The following CHN2 variants were observed in gnomAD, a reference collection of about 807,000 sequenced individuals.
The protein encoded by CHN2 is beta-chimaerin.
A neutral mutation model predicts 56.3 loss-of-function variants in CHN2; 35 were observed. That is an observed-to-expected ratio of 0.62 (90% CI 0.47 to 0.82). CHN2 has a LOEUF of 0.82. Among genes scored for constraint, CHN2 ranks in the 40% least tolerant of loss-of-function variants. The probability of loss-of-function intolerance (pLI) is 0.00; values close to 1 mark genes in which losing one functional copy is unlikely to be tolerated. For missense variants in CHN2, 491 were observed against 580.5 expected, an observed-to-expected ratio of 0.85 and a Z score of 1.58; for synonymous variants, 210 against 212.8, an observed-to-expected ratio of 0.99 and a Z score of 0.12.
chr7:29,451,582 A>G (rs1784409237), intron 6 of CHN2, among the ~76,000 whole-genome samples: 1 of 151,902 alleles, frequency 6.6e-6, no homozygotes, highest in Admixed American at 6.6e-5. Flanking sequence ...TTAATTAATC[A>G]CAATATATTA....
chr7:29,236,256 A>G (rs1787190331), intron 1 of CHN2, among the ~76,000 whole-genome samples: 1 of 152,262 alleles, frequency 6.6e-6, no homozygotes, highest in South Asian at 2.1e-4. Context: ...TACTGAGGCC[A>G]GTGAGTAATA....
chr7:29,458,388 C>G (rs867393626), intron 6 of CHN2, among the ~76,000 whole-genome samples: 2 of 76,488 alleles, frequency 2.6e-5, no homozygotes, highest in African/African-American at 8.0e-5. Context: ...CACACACACA[C>G]ACACACACAC....
At chr7:29,446,054 A>G (rs1784012716) in intron 6 of CHN2, among the ~76,000 whole-genome samples, 1 of 152,164 alleles carries the variant, frequency 6.6e-6, no homozygotes, top group South Asian at 2.1e-4. Flanking sequence ...CCCTGATGCC[A>G]AGGCTATACC....
chr7:29,167,114 G>A lies in CHN2; in HGVS notation c.274+20154G>A, dbSNP rs547531865. 5.1e-3 allele frequency among the ~76,000 whole-genome samples: 772 copies of A among 152,128 alleles called. 5 individuals are homozygous for A. The highest frequency in any genetic ancestry group is 7.9e-3 in the Non-Finnish European group (535 of 67,968). On this transcript the variant is annotated intron_variant, in intron 2 of 6. Coordinates refer to the CHN2 transcript ENST00000439384. Reference sequence around the variant, plus strand: ...TATCAATACCTTAAATCTGTCCCTGGTAACATCCCTACCTTGATACACTCA... The same window carrying A: ...TATCAATACCTTAAATCTGTCCCTGATAACATCCCTACCTTGATACACTCA...
chr7:29,411,228 C>T (rs571916484), intron 6 of CHN2, among the ~76,000 whole-genome samples: 11 of 152,244 alleles, frequency 7.2e-5, no homozygotes, highest in African/African-American at 1.2e-4. Flanking sequence ...TTCTCTTCTC[C>T]GTACAGAGGA....
chr7:29,261,385 C>A (rs559432260), intron 1 of CHN2, among the ~76,000 whole-genome samples: 2 of 152,150 alleles, frequency 1.3e-5, no homozygotes, highest in Non-Finnish European at 2.9e-5. Flanking sequence ...GAGCAGTTGG[C>A]GGTTATCTTC....
At chr7:29,485,268 T>TGA (rs1275526684) in intron 7 of CHN2, among the ~76,000 whole-genome samples, 1 of 152,090 alleles carries the variant, frequency 6.6e-6, no homozygotes, top group Non-Finnish European at 1.5e-5. Context: ...AGGTAATGTG[T>TGA]GAGACCTAGT....
At chr7:29,465,293 A>C (rs1375849825) in intron 6 of CHN2, among the ~76,000 whole-genome samples, 1 of 152,250 alleles carries the variant, frequency 6.6e-6, no homozygotes, top group Non-Finnish European at 1.5e-5. Flanking sequence ...AATGAAGGAA[A>C]TGTAGTCTTA....
At chr7:29,475,804 C>T (rs370672207) in intron 6 of CHN2, among the ~76,000 whole-genome samples, 3 of 152,282 alleles carry the variant, frequency 2.0e-5, no homozygotes, top group South Asian at 4.1e-4. Flanking sequence ...GTACGATTCC[C>T]TTTATACAAA....
intron 2 of CHN2, among the ~76,000 whole-genome samples, chr7:29,355,213 C>T (rs781251684): frequency 7.9e-5 from 12 of 152,004 alleles, no homozygotes; most frequent in African/African-American, 1.4e-4. Flanking sequence ...TCAGATGATC[C>T]GCCTGCCTCG....
intron 1 of CHN2, chr7:29,200,823 T>C (rs1322366118): frequency 6.6e-6 from 1 of 152,120 alleles, no homozygotes; most frequent in Non-Finnish European, 1.5e-5. Flanking sequence ...GCCGGCCCTA[T>C]AGGTAGGGTG....
chr7:29,359,462 G>A (rs1431207177), intron 2 of CHN2, among the ~76,000 whole-genome samples: 2 of 152,152 alleles, frequency 1.3e-5, no homozygotes, highest in Non-Finnish European at 2.9e-5. Flanking sequence ...GGGCCACTAA[G>A]ATGGATAAGG....
At chr7:29,394,748 A>G (rs953374188) in intron 4 of CHN2, among the ~76,000 whole-genome samples, 1 of 152,160 alleles carries the variant, frequency 6.6e-6, no homozygotes, top group Non-Finnish European at 1.5e-5. Context: ...TAGCACAATT[A>G]ATTTAAAAAA....
chr7:29,506,161 T>C (rs965307498), intron 10 of CHN2, among the ~76,000 whole-genome samples: 15 of 152,098 alleles, frequency 9.9e-5, no homozygotes, highest in African/African-American at 3.6e-4. Flanking sequence ...TTGTTAGAAA[T>C]GGTAAGAAAT....
intron 1 of CHN2, among the ~76,000 whole-genome samples, chr7:29,315,458 T>C (rs1794890803): frequency 6.6e-6 from 1 of 152,210 alleles, no homozygotes; most frequent in Admixed American, 6.5e-5. Context: ...ATTAAGCTGA[T>C]AAGAGATGAC....
At chr7:29,290,575 C>T (rs1292671590) in intron 1 of CHN2, among the ~76,000 whole-genome samples, 3 of 152,104 alleles carry the variant, frequency 2.0e-5, no homozygotes, top group African/African-American at 4.8e-5. Context: ...GCAGTATTCC[C>T]GTGAGACTTG....
chr7:29,473,474 T>G (rs200823748), intron 6 of CHN2, among the ~76,000 whole-genome samples: 4 of 104,064 alleles, frequency 3.8e-5, no homozygotes, highest in Admixed American at 1.0e-4. Context: ...GTTTGTGTTT[T>G]TTTTTTTTTG....
intron 1 of CHN2, among the ~76,000 whole-genome samples, chr7:29,253,029 T>C (rs1172264499): frequency 6.6e-6 from 1 of 152,094 alleles, no homozygotes; most frequent in African/African-American, 2.4e-5. Flanking sequence ...GGGAAAGATA[T>C]AAGTCGATTC....
chr7:29,268,743 A>G (rs968659773), intron 1 of CHN2, among the ~76,000 whole-genome samples: 2 of 152,228 alleles, frequency 1.3e-5, no homozygotes, highest in African/African-American at 4.8e-5. Context: ...TCTCTCCCCA[A>G]CACCCATCCT....
Sources: gnomAD v4.1 joint callset for allele counts (sites outside exome capture counted in the v4.1 genomes callset) on GRCh38, gnomAD v4.1.1 for gene constraint, MANE v1.5 for transcripts, NCBI Gene and HGNC (gene_info 2026-07-23, HGNC 2026-07-21) for gene names.